ZNHIT6: variants seen among roughly 807,000 people sequenced by gnomAD.
The protein encoded by ZNHIT6 is box C/D snoRNA protein 1.
A neutral mutation model predicts 57.2 loss-of-function variants in ZNHIT6; 45 were observed. The observed-to-expected ratio is 0.79, with a 90% CI of 0.62 to 1.01. The LOEUF (loss-of-function observed/expected upper bound fraction) is 1.01. Among genes scored for constraint, ZNHIT6 ranks in the 50% least tolerant of loss-of-function variants. The pLI is 0.00. For missense variants in ZNHIT6, 528 were observed against 567.3 expected, an observed-to-expected ratio of 0.93 and a Z score of 0.70; for synonymous variants, 188 against 190.0, an observed-to-expected ratio of 0.99 and a Z score of 0.09.
In ZNHIT6 at chr1:85,679,085, G is replaced by C. The variant is rs183709897; in HGVS notation, c.1089-304C>G. Reference sequence around the variant, plus strand: ...CCTGTACTCAAACATGAAAAGACGAGGTCAGGATAAAATATATTTGAAACT... The same window carrying C: ...CCTGTACTCAAACATGAAAAGACGACGTCAGGATAAAATATATTTGAAACT... On this transcript the variant is annotated intron_variant, in intron 6 of 9. Transcript: ENST00000370574. Among the ~76,000 whole-genome samples the C allele has an allele frequency of 7.8e-4, 118 of 151,996 alleles. 2 individuals are homozygous for C. The East Asian group carries it at 0.017, about 22-fold the overall frequency.
At chr1:85,677,639 G>T (rs1424718915) in intron 7 of ZNHIT6, among the ~76,000 whole-genome samples, 2 of 152,154 alleles carry the variant, frequency 1.3e-5, no homozygotes, top group African/African-American at 4.8e-5. Flanking sequence ...CCAGTTATAA[G>T]GAAAGAAACT....
chr1:85,706,389 T>C lies in ZNHIT6; in HGVS notation c.723-34A>G, dbSNP rs1444153924. On this transcript the variant is annotated intron_variant, in intron 2 of 9. Coordinates refer to ENST00000370574, the MANE Select transcript of ZNHIT6 (RefSeq NM_017953.4). ...ACAAAGGGGAAGTACTTTTATATTTTAGGGTAAGAAAGGTACAGATACAGG... is the reference window on the plus strand; with the variant it reads ...ACAAAGGGGAAGTACTTTTATATTTCAGGGTAAGAAAGGTACAGATACAGG... 6.2e-6 allele frequency: 10 copies of C among 1,613,654 alleles called. No homozygotes were observed. In the East Asian group the frequency reaches 2.0e-4, roughly 32 times the overall value.
intron 8 of ZNHIT6, among the ~76,000 whole-genome samples, chr1:85,671,149 A>C (rs1178214856): frequency 1.3e-5 from 2 of 152,192 alleles, no homozygotes; most frequent in African/African-American, 4.8e-5. Context: ...ACAATATCTT[A>C]AGTTCCTGAA....
intron 3 of ZNHIT6, 28 bp from the exon 4 acceptor site, chr1:85,706,191 CAA>C (rs763182203): frequency 3.3e-5 from 53 of 1,611,542 alleles, no homozygotes; most frequent in Non-Finnish European, 4.3e-5. Flanking sequence ...GAAGAATAAA[CAA>C]GTGACATATA....
At chr1:85,659,665 T>C (rs935042954) in intron 8 of ZNHIT6, among the ~76,000 whole-genome samples, 16 of 152,208 alleles carry the variant, frequency 1.1e-4, no homozygotes, top group African/African-American at 3.4e-4. Context: ...ACCATAATCA[T>C]AGCTGAGTAA....
At chr1:85,690,804 T>C (rs1039668726) in intron 5 of ZNHIT6, among the ~76,000 whole-genome samples, 1 of 152,078 alleles carries the variant, frequency 6.6e-6, no homozygotes, top group Admixed American at 6.6e-5. Flanking sequence ...GGCGAGCGGA[T>C]CACTTGAGGT....
intron 9 of ZNHIT6, 47 bp from the exon 10 acceptor site, chr1:85,654,145 G>C (rs760335085): frequency 6.4e-7 from 1 of 1,552,662 alleles, no homozygotes; most frequent in Non-Finnish European, 8.8e-7. Flanking sequence ...ATATTTTTCT[G>C]TTTAGGTTGC....
intron 5 of ZNHIT6, among the ~76,000 whole-genome samples, chr1:85,691,049 A>G (rs1027195012): frequency 6.6e-6 from 1 of 152,118 alleles, no homozygotes; most frequent in Non-Finnish European, 1.5e-5. Context: ...CTGCTGGTCA[A>G]GCCCGGGTAT....
intron 8 of ZNHIT6, among the ~76,000 whole-genome samples, chr1:85,672,907 C>T (rs1392118765): frequency 1.3e-5 from 2 of 151,520 alleles, no homozygotes; most frequent in East Asian, 3.9e-4. Flanking sequence ...AAGTAAAATC[C>T]AGGCTTAAAA....
chr1:85,672,947 T>C (rs1319350647), intron 8 of ZNHIT6, among the ~76,000 whole-genome samples: 3 of 152,340 alleles, frequency 2.0e-5, no homozygotes, highest in Middle Eastern at 3.4e-3. Flanking sequence ...TGTACTTGAA[T>C]AGACAAAGTT....
chr1:85,649,866 A>G lies in ZNHIT6; in HGVS notation c.*4192T>C, dbSNP rs1438175768. The G allele has an allele frequency of 1.3e-5, 2 of 152,178 alleles. No individual in the cohort carries two copies. Among genetic ancestry groups the G allele is most frequent in the African/African-American group, 4.8e-5 (2 of 41,450 alleles). The allele number at this position is 152,178 out of a possible 1,614,324, so 9.4% of individuals were successfully genotyped here. A position where few individuals can be genotyped will look rare whatever the true frequency, so the allele number is the denominator to read the frequency against. On this transcript the variant is annotated 3_prime_UTR_variant, in exon 10 of 10. Coordinates refer to ENST00000370574, the MANE Select transcript of ZNHIT6 (RefSeq NM_017953.4). ...TAAAAATGGATGGCATTAAAAAAAA[A>G]ATCCAAAAACCTATAATGGCAACTC...
In ZNHIT6 at chr1:85,707,913, A is replaced by G. The variant is rs766105894; in HGVS notation, c.372T>C (p.Ser124=). ...VLEVKQETDS[S]LVVKEAKVGE... is the part of the protein sequence containing the mutation. ...CCACCTTCGCTTCTTTTACCACTAA[A>G]CTACTATCCGTCTCCTGCTTCACCT... The change falls in exon 1 of 10, where the codon AGT becomes AGC. Residue 124 remains serine (S), a synonymous_variant. Coordinates refer to ENST00000370574, the MANE Select transcript of ZNHIT6 (RefSeq NM_017953.4). The G allele has an allele frequency of 6.2e-7, 1 of 1,613,560 alleles. No homozygotes were observed. The highest frequency in any genetic ancestry group is 8.5e-7 in the Non-Finnish European group (1 of 1,179,910).
At position 85,690,961 on chromosome 1, in the gene ZNHIT6, G is replaced by A. The variant is rs552164831; in HGVS notation, c.1020-10057C>T. On this transcript the variant is annotated intron_variant, in intron 5 of 9. Transcript: ENST00000370574. ...GAATCACTTGAACCCAGGAGGTGGA[G>A]GGTGCAGTGAGCCGAGATCGTGCCA... Among the ~76,000 whole-genome samples, 8 of 152,254 alleles carry A rather than the reference G, an allele frequency of 5.3e-5. No individual in the cohort carries two copies. The East Asian group carries it at 9.6e-4, about 18-fold the overall frequency.
At chr1:85,679,248 T>C (rs7540592) in intron 6 of ZNHIT6, among the ~76,000 whole-genome samples, 10,987 of 152,310 alleles carry the variant, frequency 0.072, 509 homozygotes, top group African/African-American at 0.12. Flanking sequence ...TCCAACTTTC[T>C]TCCATATATG....
At chr1:85,654,568 A>AC (rs1453958378) in intron 9 of ZNHIT6, among the ~76,000 whole-genome samples, 1 of 151,996 alleles carries the variant, frequency 6.6e-6, no homozygotes, top group Non-Finnish European at 1.5e-5. Context: ...CTCCTCTGAC[A>AC]CCCCTGTCTT....
At chr1:85,655,440 T>G (rs1350607783) in intron 9 of ZNHIT6, among the ~76,000 whole-genome samples, 3 of 152,180 alleles carry the variant, frequency 2.0e-5, no homozygotes, top group Non-Finnish European at 4.4e-5. Flanking sequence ...CAATTTTGGG[T>G]TGGATTCCTT....
At chr1:85,704,991 G>A (rs765303327) in intron 4 of ZNHIT6, among the ~76,000 whole-genome samples, 12 of 152,078 alleles carry the variant, frequency 7.9e-5, no homozygotes, top group Non-Finnish European at 1.6e-4. Context: ...CTTCAAAATC[G>A]CAATCTAATC....
intron 8 of ZNHIT6, among the ~76,000 whole-genome samples, chr1:85,668,218 T>C (rs1661441978): frequency 6.6e-6 from 1 of 151,392 alleles, no homozygotes; most frequent in South Asian, 2.1e-4. Context: ...ACATCACAAA[T>C]ATATTACAAA....
intron 8 of ZNHIT6, among the ~76,000 whole-genome samples, chr1:85,659,678 C>T (rs1331921945): frequency 6.6e-6 from 1 of 152,190 alleles, no homozygotes; most frequent in Non-Finnish European, 1.5e-5. Flanking sequence ...CTGAGTAAGA[C>T]ATGCAGGACA....
Sources: allele counts gnomAD v4.1 joint callset (sites outside exome capture counted in the v4.1 genomes callset), GRCh38; gene constraint gnomAD v4.1.1; transcripts MANE v1.5; gene names NCBI Gene and HGNC (gene_info 2026-07-23, HGNC 2026-07-21).